Variants in SGSM2 observed in about 807,000 individuals in gnomAD.
The protein encoded by SGSM2 is small G protein signaling modulator 2, also known as RUN and TBC1 domain containing 1.
SGSM2 carries 89 observed loss-of-function variants against 126.6 expected under a neutral mutation model. The ratio of observed to expected loss-of-function variants is 0.70; its 90% CI spans 0.59 to 0.84. The LOEUF is 0.84. SGSM2 is among the 40% of genes least tolerant of loss of function. The pLI, the probability that SGSM2 is intolerant of heterozygous loss-of-function variation, is 0.00. For synonymous variants in SGSM2, 614 were observed against 574.3 expected (o/e 1.07, Z -0.99); for missense variants, 1,404 against 1,416.6 (o/e 0.99, Z 0.14).
In SGSM2 at chr17:2,377,486, A is replaced by AAAAAAAAAAAAAAGAAAAAAAAG. The variant is rs1567852701; in HGVS notation, c.2803-358_2803-357insGAAAAAAAAGAAAAAAAAAAAAA. ...GTGACAGAGCGAGACTCTGTCTCAAAAAAAAAAAAAAAAACCATGGTTTCA... is the reference window on the plus strand; with the variant it reads ...GTGACAGAGCGAGACTCTGTCTCAAAAAAAAAAAAAAAAGAAAAAAAAGAAAAAAAAAAAAAACCATGGTTTCA... On this transcript the variant is annotated intron_variant, in intron 21 of 23. Coordinates refer to ENST00000268989, the MANE Select transcript of SGSM2 (RefSeq NM_014853.3). 1.7e-5 allele frequency: 3 copies of AAAAAAAAAAAAAAGAAAAAAAAG among 174,302 alleles called. 1 individual carries two copies. The highest frequency in any genetic ancestry group is 2.6e-5 in the African/African-American group (1 of 38,138). 10.8% of individuals were successfully genotyped at this position (174,302 alleles called of 1,614,324 possible). A position where few individuals can be genotyped will look rare whatever the true frequency, so the allele number is the denominator to read the frequency against.
intron 12 of SGSM2, among the ~76,000 whole-genome samples, chr17:2,368,445 T>C (rs906410174): frequency 6.6e-6 from 1 of 152,152 alleles, no homozygotes; most frequent in Non-Finnish European, 1.5e-5. Flanking sequence ...TGCTTCTCCC[T>C]TTCCCCGCCC....
Position 2,367,227 on chromosome 17 carries a change from A to T in SGSM2, c.1289-44A>T. Reference sequence around the variant, plus strand: ...AGGAGGGAGTCCGTCCTGCCCAGGGATGAGGGCCTCATGCCTCTGCCTCTC... The same window carrying T: ...AGGAGGGAGTCCGTCCTGCCCAGGGTTGAGGGCCTCATGCCTCTGCCTCTC... On this transcript the variant is annotated intron_variant, in intron 11 of 23. Coordinates refer to ENST00000268989, the MANE Select transcript of SGSM2 (RefSeq NM_014853.3). This position sits in a 1 kb window ranked among gnomAD's most constrained non-coding sequence, Gnocchi z 4.0. The T allele has an allele frequency of 6.3e-7, 1 of 1,588,066 alleles. No individual in the cohort carries two copies. Among genetic ancestry groups the T allele is most frequent in the East Asian group, 2.3e-5 (1 of 44,380 alleles).
chr17:2,355,342 G>A (rs2065052784), intron 2 of SGSM2, among the ~76,000 whole-genome samples: 1 of 58,446 alleles, frequency 1.7e-5, no homozygotes, highest in African/African-American at 6.2e-5. Context: ...AGAGTTGGGG[G>A]AAGGGACCCC....
chr17:2,352,934 C>CCTGT (rs369455251), intron 2 of SGSM2, among the ~76,000 whole-genome samples: 1 of 120,042 alleles, frequency 8.3e-6, no homozygotes. Flanking sequence ...TCCGCCACCA[C>CCTGT]GCCCGGCTAA....
intron 1 of SGSM2, among the ~76,000 whole-genome samples, chr17:2,342,479 A>C (rs779191767): frequency 1.3e-5 from 2 of 152,098 alleles, no homozygotes; most frequent in Non-Finnish European, 2.9e-5. Flanking sequence ...TGTTGGAATC[A>C]GGAGAGTGGG....
intron 21 of SGSM2, 43 bp from the exon 22 acceptor site, chr17:2,377,814 C>T (rs373879679): frequency 1.2e-4 from 158 of 1,333,400 alleles, no homozygotes; most frequent in African/African-American, 1.1e-3. Context: ...GAGGCAGCAT[C>T]GGCTCAGGGC....
chr17:2,338,088 CA>C (rs927943828), intron 1 of SGSM2, among the ~76,000 whole-genome samples: 7 of 152,000 alleles, frequency 4.6e-5, no homozygotes, highest in African/African-American at 1.7e-4. Flanking sequence ...CCCGCGCCGC[CA>C]GGGGAGGGGG....
intron 1 of SGSM2, among the ~76,000 whole-genome samples, chr17:2,338,283 C>A (rs1034888607): frequency 6.6e-6 from 1 of 152,198 alleles, no homozygotes; most frequent in Non-Finnish European, 1.5e-5. Context: ...CCACGCCCAC[C>A]TCCTTAGCCA....
At chr17:2,376,314 C>G in intron 19 of SGSM2, 53 bp downstream of exon 19, 1 of 1,497,982 alleles carries the variant, frequency 6.7e-7, no homozygotes, top group Non-Finnish European at 9.0e-7. Context: ...CCGCCAGTTA[C>G]TCTGTGAAGA....
At chr17:2,366,984 A>C in intron 11 of SGSM2, 1 of 374,222 alleles carries the variant, frequency 2.7e-6, no homozygotes. Context: ...CATCCCAGAC[A>C]GTCCCGGTCT....
Position 2,363,207 on chromosome 17 carries a change from C to A in SGSM2, c.672+73C>A. The A allele has an allele frequency of 6.7e-7, 1 of 1,502,260 alleles. No individual in the cohort carries two copies. The highest frequency in any genetic ancestry group is 8.9e-7 in the Non-Finnish European group (1 of 1,125,504). The allele number at this position is 1,502,260 out of a possible 1,614,324, so 93.1% of individuals were successfully genotyped here. A position where few individuals can be genotyped will look rare whatever the true frequency, so the allele number is the denominator to read the frequency against. ...GGGCCTGTAGGGACGGGAAACCGGC[C>A]TCTCTACGGGACAGGCCTTGGAGAT... On this transcript the variant is annotated intron_variant, in intron 6 of 23. Transcript: ENST00000268989. This position sits in a 1 kb window ranked among gnomAD's most constrained non-coding sequence, Gnocchi z 4.2.
chr17:2,361,528 C>T (rs2065307813), intron 2 of SGSM2, 109 bp from the exon 3 acceptor site: 7 of 1,395,868 alleles, frequency 5.0e-6, no homozygotes, highest in Middle Eastern at 5.0e-4. Context: ...CTGGCCTGCC[C>T]TTGGCTTGCC....
intron 12 of SGSM2, among the ~76,000 whole-genome samples, chr17:2,370,615 C>G (rs867388817): frequency 6.6e-6 from 1 of 150,664 alleles, no homozygotes; most frequent in African/African-American, 2.5e-5. Context: ...TCAGGCTAGG[C>G]AGGGATGGAG....
intron 2 of SGSM2, among the ~76,000 whole-genome samples, chr17:2,348,490 G>A (rs887905855): frequency 6.6e-6 from 1 of 152,160 alleles, no homozygotes; most frequent in Admixed American, 6.6e-5. Context: ...GATCTAAGAG[G>A]AAGGAGGGAG....
In SGSM2 at chr17:2,363,801, G is replaced by A. The variant is rs2065432396; in HGVS notation, c.807+202G>A. ...GACAGGAATGGCAGCCAGCAGGCGA[G>A]GGGAGTCCGCAGTGTGGGTATGGCT... is the stretch of plus-strand genomic sequence containing the variant. On this transcript the variant is annotated intron_variant, in intron 7 of 23. Transcript: ENST00000268989. The surrounding 1 kb of genome is among the most constrained non-coding windows in gnomAD (Gnocchi z 4.2). 3.4e-6 allele frequency: 3 copies of A among 876,736 alleles called. No individual in the cohort carries two copies. The highest frequency in any genetic ancestry group is 3.4e-5 in the African/African-American group (2 of 59,204). 54.3% of individuals were successfully genotyped at this position (876,736 alleles called of 1,614,324 possible).
In SGSM2 at chr17:2,363,313, C is replaced by G. The variant is rs559617000; in HGVS notation, c.673-152C>G. The G allele has an allele frequency of 2.9e-6, 4 of 1,383,474 alleles. No individual in the cohort carries two copies. The highest frequency in any genetic ancestry group is 2.4e-5 in the Admixed American group (1 of 42,282). The allele number at this position is 1,383,474 out of a possible 1,614,324, so 85.7% of individuals were successfully genotyped here. A position where few individuals can be genotyped will look rare whatever the true frequency, so the allele number is the denominator to read the frequency against. On this transcript the variant is annotated intron_variant, in intron 6 of 23. Transcript: ENST00000268989. This position sits in a 1 kb window ranked among gnomAD's most constrained non-coding sequence, Gnocchi z 4.2. ...CAAATGCCGGGAGCCCATGCTGGTC[C>G]GTGGCTGGAGAGCAGAGGGTGGCTG...
chr17:2,377,727 A>G (rs926527190), intron 21 of SGSM2, 130 bp from the exon 22 acceptor site: 1 of 666,074 alleles, frequency 1.5e-6, no homozygotes, highest in Non-Finnish European at 2.8e-6. Context: ...CGCGCAGCAC[A>G]GGGCAACAGA....
rs1350096311 is a variant in SGSM2, at chr17:2,376,273, G to A, written c.2609+12G>A. 1 of 1,613,356 alleles carries A rather than the reference G, an allele frequency of 6.2e-7. No homozygotes were observed. Among genetic ancestry groups the A allele is most frequent in the Non-Finnish European group, 8.5e-7 (1 of 1,179,970 alleles). ...GACGTCATGTGCAGGTGCCTTGTGG[G>A]GCGGGGCTCAGGGTGGGAGGCGGGA... On this transcript the variant is annotated intron_variant, in intron 19 of 23. Transcript: ENST00000268989.
rs989356595 is a variant in SGSM2, at chr17:2,337,856, C to G, written c.57+111C>G. ...GCGGGCACCCGGGCCGAACCTGGGC[C>G]GGGCGGGGCGGGTCCTGGACGGGCT... is the stretch of plus-strand genomic sequence containing the variant. On this transcript the variant is annotated intron_variant, in intron 1 of 23. Coordinates refer to ENST00000268989, the MANE Select transcript of SGSM2 (RefSeq NM_014853.3). This position sits in a 1 kb window ranked among gnomAD's most constrained non-coding sequence, Gnocchi z 5.1. The G allele has an allele frequency of 1.5e-5, 9 of 613,376 alleles. No individual in the cohort carries two copies. In the South Asian group the frequency reaches 2.9e-4, roughly 19 times the overall value. 38.0% of individuals were successfully genotyped at this position (613,376 alleles called of 1,614,324 possible). A position where few individuals can be genotyped will look rare whatever the true frequency, so the allele number is the denominator to read the frequency against.
Sources: gnomAD v4.1 joint callset for allele counts (sites outside exome capture counted in the v4.1 genomes callset) on GRCh38, gnomAD v4.1.1 for gene constraint, Gnocchi (gnomAD v3.1) non-coding constraint, MANE v1.5 for transcripts, NCBI Gene and HGNC (gene_info 2026-07-23, HGNC 2026-07-21) for gene names.